PTPRT: variants seen among roughly 807,000 people sequenced by gnomAD.
The protein encoded by PTPRT is receptor-type tyrosine-protein phosphatase T.
A neutral mutation model predicts 176.8 loss-of-function variants in PTPRT; 56 were observed. That is an observed-to-expected ratio of 0.32 (90% CI 0.26 to 0.40). The LOEUF (loss-of-function observed/expected upper bound fraction) is 0.40, where lower values mean the gene tolerates loss of function less well. PTPRT is among the 10% of genes least tolerant of loss of function. PTPRT has a pLI of 1.00. For missense variants in PTPRT, 1,540 were observed against 1,908.2 expected (o/e 0.81, Z 3.60); for synonymous variants, 783 against 739.0 (o/e 1.06, Z -0.96).
intron 1 of PTPRT, among the ~76,000 whole-genome samples, chr20:42,935,140 T>C (rs1302332921): frequency 1.4e-5 from 2 of 146,156 alleles, no homozygotes; most frequent in Non-Finnish European, 3.0e-5. Context: ...TCATTGCTTT[T>C]GCCATAATTT....
At chr20:42,430,394 T>G (rs2059205360) in intron 9 of PTPRT, among the ~76,000 whole-genome samples, 1 of 152,142 alleles carries the variant, frequency 6.6e-6, no homozygotes, top group African/African-American at 2.4e-5. Flanking sequence ...CTTGTAACAG[T>G]GCAGACCCTG....
intron 2 of PTPRT, among the ~76,000 whole-genome samples, chr20:42,842,442 GAC>G (rs2078294821): frequency 6.6e-6 from 1 of 151,932 alleles, no homozygotes; most frequent in Non-Finnish European, 1.5e-5. Flanking sequence ...TGTTTTTTGA[GAC>G]AGTCTTGCTC....
At chr20:42,233,023 G>T (rs1298996119) in intron 15 of PTPRT, among the ~76,000 whole-genome samples, 1 of 152,044 alleles carries the variant, frequency 6.6e-6, no homozygotes, top group South Asian at 2.1e-4. Context: ...CTTCTCTTGG[G>T]CCTTACGCTT....
chr20:42,599,277 G>C (rs2073732752), intron 7 of PTPRT, among the ~76,000 whole-genome samples: 1 of 152,160 alleles, frequency 6.6e-6, no homozygotes, highest in African/African-American at 2.4e-5. Context: ...GACAACTTCA[G>C]GTTTGAACAC....
intron 1 of PTPRT, among the ~76,000 whole-genome samples, chr20:42,951,667 T>A (rs2146018270): frequency 6.6e-6 from 1 of 152,232 alleles, no homozygotes; most frequent in Non-Finnish European, 1.5e-5. Flanking sequence ...GAGTGCAACA[T>A]CTATTACCAT....
intron 1 of PTPRT, among the ~76,000 whole-genome samples, chr20:43,089,436 CA>C (rs1170084315): frequency 1.3e-5 from 2 of 152,212 alleles, no homozygotes; most frequent in Non-Finnish European, 2.9e-5. Flanking sequence ...AGGCTGGTTT[CA>C]AATCATGACT....
At chr20:43,024,044 C>T (rs777541012) in intron 1 of PTPRT, among the ~76,000 whole-genome samples, 22 of 152,298 alleles carry the variant, frequency 1.4e-4, no homozygotes, top group South Asian at 6.2e-4. Flanking sequence ...CAGCCCAACA[C>T]GGGGAGCTGG....
intron 26 of PTPRT, among the ~76,000 whole-genome samples, chr20:42,101,684 T>G (rs1985950115): frequency 1.3e-5 from 2 of 152,210 alleles, no homozygotes; most frequent in African/African-American, 2.4e-5. Context: ...TTGTCTCTGC[T>G]CAGGAGTTAT....
At chr20:42,359,835 A>G (rs2058408349) in intron 9 of PTPRT, among the ~76,000 whole-genome samples, 1 of 152,202 alleles carries the variant, frequency 6.6e-6, no homozygotes, top group African/African-American at 2.4e-5. Flanking sequence ...ACAGGGACCC[A>G]TGCCCGTGGT....
At chr20:42,828,156 T>C (rs1569179084) in intron 2 of PTPRT, among the ~76,000 whole-genome samples, 2 of 152,208 alleles carry the variant, frequency 1.3e-5, no homozygotes. Flanking sequence ...CTGATAGTCA[T>C]GTGAACAATG....
At chr20:42,372,522 T>C (rs7348548) in intron 9 of PTPRT, among the ~76,000 whole-genome samples, 1 of 152,040 alleles carries the variant, frequency 6.6e-6, no homozygotes, top group Non-Finnish European at 1.5e-5. Context: ...TGGCCTCAAG[T>C]GGTCCACCCA....
At chr20:42,832,904 G>A (rs1399809188) in intron 2 of PTPRT, among the ~76,000 whole-genome samples, 1 of 150,780 alleles carries the variant, frequency 6.6e-6, no homozygotes, top group Non-Finnish European at 1.5e-5. Flanking sequence ...AGGAGTTTGA[G>A]ATCAGCCTGG....
intron 7 of PTPRT, among the ~76,000 whole-genome samples, chr20:42,619,070 G>A (rs976267442): frequency 1.3e-5 from 2 of 150,988 alleles, no homozygotes; most frequent in Non-Finnish European, 2.9e-5. Context: ...ATTTTGCAGC[G>A]GCTGGTACCG....
chr20:42,495,128 G>T (rs1296232974), intron 7 of PTPRT, among the ~76,000 whole-genome samples: 1 of 152,124 alleles, frequency 6.6e-6, no homozygotes, highest in African/African-American at 2.4e-5. Flanking sequence ...AGAACTTAAA[G>T]ATCATCAGGC....
At chr20:42,832,456 C>T (rs186636335) in intron 2 of PTPRT, among the ~76,000 whole-genome samples, 92 of 151,902 alleles carry the variant, frequency 6.1e-4, no homozygotes, top group Admixed American at 5.4e-3. Context: ...CCCCACAACA[C>T]GAATCTTCCT....
At chr20:42,322,209 C>T (rs1373328118) in intron 11 of PTPRT, among the ~76,000 whole-genome samples, 3 of 151,696 alleles carry the variant, frequency 2.0e-5, no homozygotes, top group African/African-American at 7.3e-5. Context: ...GATTCAATGC[C>T]ATCCCCATCA....
chr20:42,310,433 C>T (rs1197779669), intron 12 of PTPRT, among the ~76,000 whole-genome samples: 1 of 152,224 alleles, frequency 6.6e-6, no homozygotes, highest in South Asian at 2.1e-4. Flanking sequence ...AAGGAAAGAA[C>T]GTTTTGATTT....
At chr20:42,597,043 G>C (rs77658959) in intron 7 of PTPRT, among the ~76,000 whole-genome samples, 2 of 152,078 alleles carry the variant, frequency 1.3e-5, no homozygotes, top group East Asian at 3.8e-4. Context: ...TGGGTTCTCC[G>C]CTCAAGGTCC....
At chr20:42,035,437 T>C in the PTPRT span, among the ~76,000 whole-genome samples, 1 of 152,234 alleles carries the variant, frequency 6.6e-6, no homozygotes, top group East Asian at 1.9e-4. Flanking sequence ...AGTCTTACCA[T>C]GGGAAAGGTA....
Sources: gnomAD v4.1 joint callset for allele counts (sites outside exome capture counted in the v4.1 genomes callset) on GRCh38, gnomAD v4.1.1 for gene constraint, MANE v1.5 for transcripts, NCBI Gene and HGNC (gene_info 2026-07-23, HGNC 2026-07-21) for gene names.